The following NALCN variants were observed in gnomAD, a reference collection of about 807,000 sequenced individuals.
NALCN encodes the protein sodium leak channel NALCN.
NALCN carries 111 observed loss-of-function variants against 225.3 expected under a neutral mutation model. The observed-to-expected ratio is 0.49, with a 90% CI of 0.42 to 0.58. The LOEUF (loss-of-function observed/expected upper bound fraction) is 0.58, where lower values mean the gene tolerates loss of function less well. NALCN is among the 20% of genes least tolerant of loss of function. The probability of loss-of-function intolerance (pLI) is 0.00; values close to 1 mark genes in which losing one functional copy is unlikely to be tolerated. For missense variants in NALCN, 1,378 were observed against 2,202.4 expected (o/e 0.63, Z 7.49); for synonymous variants, 764 against 769.0 (o/e 0.99, Z 0.11).
At chr13:101,165,508 T>C (rs1160806447) in intron 15 of NALCN, among the ~76,000 whole-genome samples, 1 of 152,240 alleles carries the variant, frequency 6.6e-6, no homozygotes, top group African/African-American at 2.4e-5. Context: ...GTCTCACTCT[T>C]GCCCAGGCCG....
chr13:101,366,054 AC>A (rs2046369393), intron 6 of NALCN, among the ~76,000 whole-genome samples: 1 of 152,120 alleles, frequency 6.6e-6, no homozygotes. Flanking sequence ...TCATTTTTAA[AC>A]ATTCCTGTTC....
At chr13:101,287,292 T>G (rs1175587216) in intron 9 of NALCN, among the ~76,000 whole-genome samples, 1 of 152,230 alleles carries the variant, frequency 6.6e-6, no homozygotes, top group Non-Finnish European at 1.5e-5. Flanking sequence ...AAATACTGTC[T>G]TTTTTAAGAA....
intron 6 of NALCN, among the ~76,000 whole-genome samples, chr13:101,353,319 C>T (rs1204415361): frequency 1.3e-5 from 2 of 152,178 alleles, no homozygotes; most frequent in Admixed American, 6.5e-5. Flanking sequence ...TTTTCCTGGT[C>T]ATTGCATGTA....
At chr13:101,247,464 G>C (rs2041931677) in intron 11 of NALCN, among the ~76,000 whole-genome samples, 4 of 152,186 alleles carry the variant, frequency 2.6e-5, no homozygotes, top group African/African-American at 9.6e-5. Flanking sequence ...TAGAGGGAGG[G>C]AGAGAGAAAT....
At position 101,055,392 on chromosome 13, in the gene NALCN, G is replaced by C; in HGVS notation, c.5120C>G (p.Thr1707Ser). The C allele has an allele frequency of 6.2e-7, 1 of 1,614,180 alleles. No homozygotes were observed. The highest frequency in any genetic ancestry group is 8.5e-7 in the Non-Finnish European group (1 of 1,180,026). Residue 1707 changes from threonine to serine, a missense_variant, in exon 44 of 44, where the codon ACT (threonine) becomes AGT (serine). Transcript: ENST00000251127. The part of the protein sequence containing the change: ...KSVVCKMNPM[T>S]DAASCGSEVK... ...TTCAGAACCGCAGGAAGCCGCGTCA[G>C]TCATGGGGTTCATTTTGCACACGAC...
At chr13:101,058,472 GAA>G (rs2031536445) in intron 42 of NALCN, 1 of 177,320 alleles carries the variant, frequency 5.6e-6, no homozygotes, top group Admixed American at 5.4e-5. Context: ...GAGCTTCAGG[GAA>G]AGAGTTCTCT....
At chr13:101,308,514 C>T (rs1231023574) in intron 7 of NALCN, among the ~76,000 whole-genome samples, 2 of 152,144 alleles carry the variant, frequency 1.3e-5, no homozygotes, top group Non-Finnish European at 2.9e-5. Context: ...TACCCACATA[C>T]CCAGGATGGC....
chr13:101,194,547 T>C (rs1404762561), intron 13 of NALCN, among the ~76,000 whole-genome samples: 1 of 152,234 alleles, frequency 6.6e-6, no homozygotes, highest in Admixed American at 6.5e-5. Context: ...CTGACTTACA[T>C]TGTCCGTAGG....
At chr13:101,300,778 A>G (rs2043936568) in intron 7 of NALCN, among the ~76,000 whole-genome samples, 2 of 152,388 alleles carry the variant, frequency 1.3e-5, no homozygotes, top group East Asian at 3.9e-4. Context: ...AACAAAATAA[A>G]GCAAAAACCA....
intron 14 of NALCN, among the ~76,000 whole-genome samples, chr13:101,181,807 T>C (rs1338885873): frequency 6.6e-6 from 1 of 152,006 alleles, no homozygotes; most frequent in Non-Finnish European, 1.5e-5. Flanking sequence ...CTAGACAAGG[T>C]TAAGTGCAGT....
chr13:101,073,405 T>TG (rs1223190390), intron 37 of NALCN, among the ~76,000 whole-genome samples, 179 bp downstream of exon 37: 3 of 152,352 alleles, frequency 2.0e-5, no homozygotes, highest in Admixed American at 6.5e-5. Flanking sequence ...TTGAGTATTT[T>TG]GCCCTAAATA....
chr13:101,245,224 C>A (rs946599350), intron 11 of NALCN, among the ~76,000 whole-genome samples: 1 of 152,164 alleles, frequency 6.6e-6, no homozygotes, highest in African/African-American at 2.4e-5. Flanking sequence ...TGCATTCCAC[C>A]TTTGTGAGTA....
At chr13:101,408,688 TTC>T (rs945556104) in intron 1 of NALCN, among the ~76,000 whole-genome samples, 43 of 152,130 alleles carry the variant, frequency 2.8e-4, no homozygotes, top group Non-Finnish European at 2.5e-4. Flanking sequence ...GCCTCTCTCC[TTC>T]TCTCTCTCTC....
chr13:101,102,313 T>C (rs769515533), intron 26 of NALCN, among the ~76,000 whole-genome samples: 1 of 151,870 alleles, frequency 6.6e-6, no homozygotes, highest in Non-Finnish European at 1.5e-5. Flanking sequence ...TCAGTAATGA[T>C]ATATATACCT....
intron 14 of NALCN, among the ~76,000 whole-genome samples, chr13:101,186,802 C>T (rs1211964411): frequency 3.3e-5 from 5 of 152,020 alleles, no homozygotes; most frequent in Non-Finnish European, 5.9e-5. Flanking sequence ...TTTCATCTAG[C>T]TTATGCTATA....
intron 14 of NALCN, chr13:101,180,847 C>G (rs1306305536): frequency 5.8e-6 from 2 of 347,474 alleles, no homozygotes; most frequent in Non-Finnish European, 1.1e-5. Context: ...CTTTGTCTCT[C>G]TCTCTCTCTG....
chr13:101,063,973 A>G (rs2032166830), intron 40 of NALCN, among the ~76,000 whole-genome samples: 1 of 152,208 alleles, frequency 6.6e-6, no homozygotes, highest in African/African-American at 2.4e-5. Context: ...TACAAAGGAA[A>G]CCAATTATAT....
chr13:101,175,429 A>C (rs1005403970), intron 15 of NALCN, among the ~76,000 whole-genome samples: 5 of 152,172 alleles, frequency 3.3e-5, no homozygotes, highest in African/African-American at 9.7e-5. Context: ...GAAATTCTGA[A>C]TATGGAGGGC....
chr13:101,241,014 C>T (rs907012635), intron 11 of NALCN, among the ~76,000 whole-genome samples: 1 of 152,158 alleles, frequency 6.6e-6, no homozygotes, highest in African/African-American at 2.4e-5. Flanking sequence ...CTTTATCATT[C>T]ATTCTGTACA....
Sources: allele counts gnomAD v4.1 joint callset (sites outside exome capture counted in the v4.1 genomes callset), GRCh38; gene constraint gnomAD v4.1.1; transcripts MANE v1.5; gene names NCBI Gene and HGNC (gene_info 2026-07-23, HGNC 2026-07-21).